The following USH2A variants were observed in gnomAD, a reference collection of about 807,000 sequenced individuals.
USH2A encodes Usher syndrome 2A (autosomal recessive, mild).
Under a neutral mutation model 538.9 loss-of-function variants are expected in USH2A, and 443 were observed. The ratio of observed to expected loss-of-function variants is 0.82; its 90% CI spans 0.76 to 0.89. USH2A has a LOEUF of 0.89. Among genes scored for constraint, USH2A ranks in the 40% least tolerant of loss-of-function variants. The pLI, the probability that USH2A is intolerant of heterozygous loss-of-function variation, is 0.00. For missense variants in USH2A, 6,633 were observed against 6,324.8 expected (o/e 1.05, Z -1.65); for synonymous variants, 2,413 against 2,273.5 (o/e 1.06, Z -1.75).
intron 61 of USH2A, among the ~76,000 whole-genome samples, chr1:215,683,236 CA>C (rs1401821092): frequency 3.2e-5 from 2 of 63,262 alleles, no homozygotes; most frequent in African/African-American, 9.0e-5. Context: ...CACACACACA[CA>C]CACACACACA....
chr1:216,345,036 G>C (rs528246473), intron 4 of USH2A, among the ~76,000 whole-genome samples: 7 of 151,998 alleles, frequency 4.6e-5, no homozygotes, highest in Middle Eastern at 6.8e-3. Context: ...GGGACTACTG[G>C]AAAAGATCCC....
At chr1:215,860,173 C>G (rs1381083060) in intron 44 of USH2A, among the ~76,000 whole-genome samples, 2 of 152,212 alleles carry the variant, frequency 1.3e-5, no homozygotes, top group African/African-American at 2.4e-5. Flanking sequence ...GCTTCTTGTA[C>G]AGTCTGCAGA....
chr1:216,377,874 A>AGAAAGAAG (rs2038864156), intron 3 of USH2A, among the ~76,000 whole-genome samples: 2 of 146,020 alleles, frequency 1.4e-5, no homozygotes, highest in South Asian at 2.2e-4. Flanking sequence ...AAAGAAGGAA[A>AGAAAGAAG]GAAAGAAAGG....
At chr1:216,370,665 CAG>C (rs71161417) in intron 3 of USH2A, among the ~76,000 whole-genome samples, 49,949 of 88,794 alleles carry the variant, frequency 0.56, 14,198 homozygotes, top group East Asian at 0.77. Flanking sequence ...GGAACAGAGC[CAG>C]ACTCTGTCTC....
intron 32 of USH2A, among the ~76,000 whole-genome samples, chr1:216,016,531 A>T (rs1668715160): frequency 6.6e-6 from 1 of 152,136 alleles, no homozygotes; most frequent in South Asian, 2.1e-4. Context: ...CAATGTTTGC[A>T]TTATCCATGA....
chr1:215,993,539 C>T (rs1254141135), intron 34 of USH2A, among the ~76,000 whole-genome samples: 2 of 149,776 alleles, frequency 1.3e-5, no homozygotes, highest in Non-Finnish European at 3.0e-5. Context: ...CACACACACA[C>T]AGCATGTGTA....
At chr1:216,118,821 C>T (rs1386303576) in intron 21 of USH2A, among the ~76,000 whole-genome samples, 1 of 152,208 alleles carries the variant, frequency 6.6e-6, no homozygotes, top group Non-Finnish European at 1.5e-5. Flanking sequence ...CCATTAAAGA[C>T]CTCAACAGGT....
intron 21 of USH2A, among the ~76,000 whole-genome samples, chr1:216,107,318 A>G (rs1046964985): frequency 2.6e-4 from 39 of 151,922 alleles, no homozygotes; most frequent in African/African-American, 9.4e-4. Flanking sequence ...CTCTATTACT[A>G]CATATAAGCA....
chr1:215,721,622 G>A (rs1227544478), intron 61 of USH2A, among the ~76,000 whole-genome samples: 2 of 152,016 alleles, frequency 1.3e-5, no homozygotes. Context: ...TGAGCAAAAG[G>A]TAGATTCTTT....
intron 3 of USH2A, among the ~76,000 whole-genome samples, chr1:216,366,684 A>G (rs573870046): frequency 6.6e-6 from 1 of 152,128 alleles, no homozygotes; most frequent in African/African-American, 2.4e-5. Context: ...GTTACCCACA[A>G]TGGCTTTTCT....
At chr1:216,228,288 G>A (rs1246351308) in intron 14 of USH2A, among the ~76,000 whole-genome samples, 2 of 152,238 alleles carry the variant, frequency 1.3e-5, no homozygotes, top group African/African-American at 2.4e-5. Flanking sequence ...ATCAGTACAT[G>A]TCAAAGTAGT....
rs1296340364 is a variant in USH2A, at chr1:216,196,619, C to T, written c.4185G>A (p.Val1395=). The T allele has an allele frequency of 6.2e-7, 1 of 1,613,570 alleles. No individual in the cohort carries two copies. Among genetic ancestry groups the T allele is most frequent in the Non-Finnish European group, 8.5e-7 (1 of 1,179,710 alleles). The change falls in exon 19 of 72, where the codon GTG becomes GTA. Residue 1395 remains valine (V), a synonymous_variant. Coordinates refer to ENST00000307340, the MANE Select transcript of USH2A (RefSeq NM_206933.4). ...CAGAAAGCATATTGATGTCATACCCCACAACTTTTCCTCTTGTAACATTAT... is the reference window on the plus strand; with the variant it reads ...CAGAAAGCATATTGATGTCATACCCTACAACTTTTCCTCTTGTAACATTAT... ...PADNVTRGKV[V]GYDINMLSEQ...
chr1:216,193,286 T>A (rs1483759216), intron 19 of USH2A, among the ~76,000 whole-genome samples: 1 of 152,122 alleles, frequency 6.6e-6, no homozygotes, highest in Non-Finnish European at 1.5e-5. Context: ...TAGACTAACC[T>A]GTTTAAGTCA....
chr1:215,649,386 T>C (rs1656972777), intron 65 of USH2A, among the ~76,000 whole-genome samples: 1 of 152,230 alleles, frequency 6.6e-6, no homozygotes, highest in African/African-American at 2.4e-5. Context: ...AACCTCATTG[T>C]GGTTTTAATA....
chr1:216,331,880 G>A (rs2037869980), intron 4 of USH2A, among the ~76,000 whole-genome samples: 1 of 152,124 alleles, frequency 6.6e-6, no homozygotes, highest in Non-Finnish European at 1.5e-5. Flanking sequence ...GGAAGAGTCT[G>A]TCTTCCATAA....
At chr1:216,416,390 A>T (rs538273405) in intron 3 of USH2A, among the ~76,000 whole-genome samples, 2 of 152,132 alleles carry the variant, frequency 1.3e-5, no homozygotes, top group Non-Finnish European at 2.9e-5. Flanking sequence ...GTTTTCTAAC[A>T]TTTTGTGACT....
chr1:215,958,447 T>G (rs1285182431), intron 37 of USH2A, among the ~76,000 whole-genome samples: 1 of 152,154 alleles, frequency 6.6e-6, no homozygotes. Flanking sequence ...ACTTTCTGCA[T>G]TTCTGCAGTT....
chr1:215,687,036 G>T (rs1299698240), intron 61 of USH2A, among the ~76,000 whole-genome samples: 2 of 152,024 alleles, frequency 1.3e-5, no homozygotes, highest in African/African-American at 4.8e-5. Flanking sequence ...GGACATGTTT[G>T]AGTGGAACCC....
At chr1:215,954,087 G>T (rs1450483145) in intron 37 of USH2A, among the ~76,000 whole-genome samples, 1 of 152,162 alleles carries the variant, frequency 6.6e-6, no homozygotes, top group Non-Finnish European at 1.5e-5. Context: ...AGGATGTGGA[G>T]AAATAGGAAC....
Sources: allele counts gnomAD v4.1 joint callset (sites outside exome capture counted in the v4.1 genomes callset), GRCh38; gene constraint gnomAD v4.1.1; transcripts MANE v1.5; gene names NCBI Gene and HGNC (gene_info 2026-07-23, HGNC 2026-07-21).